Variants in SYT12 observed in about 807,000 individuals in gnomAD.
SYT12 encodes synaptotagmin-12.
In SYT12, 27 loss-of-function variants were observed where a neutral mutation model predicts 39.5. That is an observed-to-expected ratio of 0.68 (90% CI 0.50 to 0.94). The LOEUF is 0.94. Among genes scored for constraint, SYT12 ranks in the 40% least tolerant of loss-of-function variants. SYT12 has a pLI of 0.00. For synonymous variants in SYT12, 233 were observed against 239.7 expected (o/e 0.97, Z 0.26); for missense variants, 536 against 572.6 (o/e 0.94, Z 0.65).
At chr11:67,047,784 T>C (rs1854606636) in intron 7 of SYT12, among the ~76,000 whole-genome samples, 1 of 101,970 alleles carries the variant, frequency 9.8e-6, no homozygotes, top group African/African-American at 4.6e-5. Context: ...TCTCTTTTTT[T>C]TTTTTTTTTT....
chr11:67,049,419 C>G lies in SYT12; in HGVS notation c.*662C>G, dbSNP rs1348988669. The stretch of plus-strand genomic sequence containing the variant: ...CCGGAGAAGAGACCAAGAGACCAGG[C>G]CCGGGCAGCAGCCTACCGGCCACGT... On this transcript the variant is annotated 3_prime_UTR_variant, in exon 8 of 8. Coordinates refer to ENST00000527043, the MANE Select transcript of SYT12 (RefSeq NM_177963.4). 1 of 152,226 alleles carries G rather than the reference C, an allele frequency of 6.6e-6. No homozygotes were observed. The highest frequency in any genetic ancestry group is 1.5e-5 in the Non-Finnish European group (1 of 68,070). The allele number at this position is 152,226 out of a possible 1,614,324, so 9.4% of individuals were successfully genotyped here. A position where few individuals can be genotyped will look rare whatever the true frequency, so the allele number is the denominator to read the frequency against.
upstream of SYT12, among the ~76,000 whole-genome samples, chr11:67,018,539 G>A (rs1303829764): frequency 6.6e-6 from 1 of 150,986 alleles, no homozygotes; most frequent in East Asian, 2.0e-4. Context: ...AAAAGAAAAA[G>A]AGGCCGGGCG....
At chr11:67,040,380 T>TG (rs1950487297) in intron 4 of SYT12, among the ~76,000 whole-genome samples, 177 bp downstream of exon 4, 1 of 151,212 alleles carries the variant, frequency 6.6e-6, no homozygotes, top group Admixed American at 6.6e-5. Flanking sequence ...AGCTGGGAGG[T>TG]GGGGGGCTCC....
At chr11:67,032,844 G>T (rs548497818) in intron 2 of SYT12, 3 of 151,144 alleles carry the variant, frequency 2.0e-5, no homozygotes, top group Non-Finnish European at 4.4e-5. Flanking sequence ...GGCAGAGGTT[G>T]CAGTGAGCCG....
intron 4 of SYT12, 101 bp downstream of exon 4, chr11:67,040,304 T>C (rs1296179825): frequency 4.8e-6 from 7 of 1,457,202 alleles, no homozygotes; most frequent in Non-Finnish European, 6.4e-6. Context: ...AGAAAGGCAG[T>C]AGAGTGCAAG....
intron 4 of SYT12, among the ~76,000 whole-genome samples, chr11:67,040,736 G>A (rs985988629): frequency 1.8e-4 from 27 of 152,130 alleles, no homozygotes; most frequent in Admixed American, 1.7e-3. Flanking sequence ...TACTCGGGAG[G>A]CTGAGGCAGG....
chr11:67,040,271 G>A, intron 4 of SYT12, 68 bp downstream of exon 4: 1 of 1,519,510 alleles, frequency 6.6e-7, no homozygotes, highest in South Asian at 1.3e-5. Flanking sequence ...GGCAGGCATG[G>A]CGGTGGGGCC....
intron 3 of SYT12, among the ~76,000 whole-genome samples, chr11:67,039,415 G>C (rs933466022): frequency 6.6e-6 from 1 of 152,096 alleles, no homozygotes; most frequent in East Asian, 1.9e-4. Flanking sequence ...GGGAGTTCGA[G>C]ACTAGCCTGA....
upstream of SYT12, chr11:67,021,980 G>C (rs1950114707): frequency 7.0e-6 from 1 of 143,786 alleles, no homozygotes; most frequent in African/African-American, 2.7e-5. Flanking sequence ...CGGAGTCGCC[G>C]CGATCTCACT....
chr11:67,035,480 C>G (rs1190006448), intron 3 of SYT12, among the ~76,000 whole-genome samples: 28 of 112,096 alleles, frequency 2.5e-4, no homozygotes, highest in African/African-American at 4.2e-4. Context: ...TTTTTTGAGA[C>G]GGAGTCTCGC....
In SYT12 at chr11:67,049,573, C is replaced by A. The variant is rs1854687426; in HGVS notation, c.*816C>A. ...CAGTCCTGCGCAAACCAGGCCCAGA[C>A]CCTGCAAGCATTTGTTGATGCCCTT... On this transcript the variant is annotated 3_prime_UTR_variant, in exon 8 of 8. Transcript: ENST00000527043. 1 of 152,358 alleles carries A rather than the reference C, an allele frequency of 6.6e-6. No homozygotes were observed. The highest frequency in any genetic ancestry group is 2.1e-4 in the South Asian group (1 of 4,834). 9.4% of individuals were successfully genotyped at this position (152,358 alleles called of 1,614,324 possible).
Position 67,035,789 on chromosome 11 carries a change from C to CT in SYT12, c.228+954dup, listed in dbSNP as rs745684818. Among the ~76,000 whole-genome samples, 69 of 129,144 alleles carry CT rather than the reference C, an allele frequency of 5.3e-4. 1 individual carries two copies. The highest frequency in any genetic ancestry group is 1.8e-3 in the African/African-American group (50 of 28,006). The allele number at this position is 129,144 out of a possible 152,430, so 84.7% of individuals were successfully genotyped here. The stretch of plus-strand genomic sequence containing the variant: ...TCTTTCTTTTCTTTTCTTTTCTTTT[C>CT]TTTCCTTCCTTCCTTCCTTCCTTCC... On this transcript the variant is annotated intron_variant, in intron 3 of 7. Coordinates refer to ENST00000527043, the MANE Select transcript of SYT12 (RefSeq NM_177963.4).
chr11:67,014,224 G>A (rs924726967), intron 3 of SYT12, among the ~76,000 whole-genome samples: 2 of 152,168 alleles, frequency 1.3e-5, no homozygotes, highest in Admixed American at 6.5e-5. Flanking sequence ...GTATCTTTTT[G>A]GGGGGTCACA....
At chr11:67,043,976 A>G (rs1950563156) in intron 5 of SYT12, 123 bp downstream of exon 5, 1 of 950,702 alleles carries the variant, frequency 1.1e-6, no homozygotes. Flanking sequence ...TTAGGAGAGC[A>G]GAGAAGAAGA....
intron 2 of SYT12, among the ~76,000 whole-genome samples, chr11:67,033,774 T>C (rs1017508697): frequency 6.6e-6 from 1 of 152,210 alleles, no homozygotes; most frequent in African/African-American, 2.4e-5. Context: ...CTTGGCTTCC[T>C]TTGGGGAAGC....
chr11:67,047,827 G>A (rs1020005671), intron 7 of SYT12, among the ~76,000 whole-genome samples: 1 of 111,898 alleles, frequency 8.9e-6, no homozygotes, highest in Non-Finnish European at 1.7e-5. Flanking sequence ...TCGCTCTTTC[G>A]CCCAGGCTGG....
intron 3 of SYT12, among the ~76,000 whole-genome samples, chr11:67,013,290 T>C (rs1408805921): frequency 1.3e-5 from 2 of 152,176 alleles, no homozygotes; most frequent in East Asian, 1.9e-4. Context: ...TCATTTTCAC[T>C]GTGGGGGCCC....
At chr11:67,047,285 T>C (rs76693970) in intron 7 of SYT12, among the ~76,000 whole-genome samples, 8 of 148,592 alleles carry the variant, frequency 5.4e-5, no homozygotes, top group African/African-American at 2.0e-4. Context: ...TTTTTTTTTT[T>C]TGAGACAGAG....
chr11:67,015,798 G>A (rs577095413), intron 3 of SYT12, among the ~76,000 whole-genome samples: 3 of 152,128 alleles, frequency 2.0e-5, no homozygotes, highest in Non-Finnish European at 4.4e-5. Flanking sequence ...GCTCCTTCAC[G>A]TTCATAGCCA....
Sources: gnomAD v4.1 joint callset for allele counts (sites outside exome capture counted in the v4.1 genomes callset) on GRCh38, gnomAD v4.1.1 for gene constraint, MANE v1.5 for transcripts, NCBI Gene and HGNC (gene_info 2026-07-23, HGNC 2026-07-21) for gene names.